Variants in RIT2 observed in about 807,000 individuals in gnomAD.
RIT2 encodes the protein GTP-binding protein Rit2.
A neutral mutation model predicts 23.7 loss-of-function variants in RIT2; 24 were observed. The ratio of observed to expected loss-of-function variants is 1.01; its 90% CI spans 0.73 to 1.43. The LOEUF is 1.43. Ranked by LOEUF, RIT2 falls within the 40% of genes most tolerant of loss-of-function variation. RIT2 has a pLI of 0.00. For missense variants in RIT2, 236 were observed against 266.9 expected (o/e 0.88, Z 0.81); for synonymous variants, 107 against 91.1 (o/e 1.17, Z -0.99).
intron 4 of RIT2, among the ~76,000 whole-genome samples, chr18:42,869,500 C>T (rs1248407511): frequency 6.6e-6 from 1 of 152,210 alleles, no homozygotes; most frequent in African/African-American, 2.4e-5. Flanking sequence ...TGCCTCAATA[C>T]TTCACTAAGT....
At chr18:42,984,703 T>C (rs1468148594) in intron 2 of RIT2, among the ~76,000 whole-genome samples, 1 of 152,064 alleles carries the variant, frequency 6.6e-6, no homozygotes, top group Non-Finnish European at 1.5e-5. Context: ...ATTAAAAATA[T>C]CAGTATCCAC....
At chr18:43,068,105 A>G (rs1912812143) in intron 1 of RIT2, among the ~76,000 whole-genome samples, 1 of 152,214 alleles carries the variant, frequency 6.6e-6, no homozygotes, top group South Asian at 2.1e-4. Flanking sequence ...AGATTCAACA[A>G]CTTAGTACTT....
chr18:42,833,216 C>G (rs1906509412), intron 4 of RIT2, among the ~76,000 whole-genome samples: 1 of 152,134 alleles, frequency 6.6e-6, no homozygotes, highest in African/African-American at 2.4e-5. Context: ...GTCTTTTCAG[C>G]TCCTGCATAT....
At chr18:42,958,638 A>G (rs1386458516) in intron 3 of RIT2, among the ~76,000 whole-genome samples, 1 of 152,158 alleles carries the variant, frequency 6.6e-6, no homozygotes, top group East Asian at 1.9e-4. Context: ...GATCATGAAA[A>G]ATACTAAAAC....
chr18:42,967,536 ATTTTTTTTTTT>A (rs397940927), intron 3 of RIT2, among the ~76,000 whole-genome samples: 131 of 80,760 alleles, frequency 1.6e-3, no homozygotes, highest in African/African-American at 6.2e-3. Context: ...CGCCCGGCTA[ATTTTTTTTTTT>A]TTTTTTTTTT....
chr18:43,080,003 C>T (rs894815983), intron 1 of RIT2, among the ~76,000 whole-genome samples: 1 of 152,086 alleles, frequency 6.6e-6, no homozygotes, highest in Admixed American at 6.6e-5. Flanking sequence ...TTAAGATGTT[C>T]GTTAATTTTT....
intron 4 of RIT2, among the ~76,000 whole-genome samples, chr18:42,815,302 A>C (rs886763038): frequency 1.5e-4 from 23 of 152,192 alleles, no homozygotes; most frequent in African/African-American, 5.3e-4. Context: ...AACAATGGAC[A>C]CACTTACAGA....
At chr18:43,023,063 C>A (rs1911633900) in intron 2 of RIT2, among the ~76,000 whole-genome samples, 1 of 152,010 alleles carries the variant, frequency 6.6e-6, no homozygotes. Flanking sequence ...AGTATGACGT[C>A]ATTAAAACTT....
chr18:42,794,955 T>C (rs1267225314), intron 4 of RIT2, among the ~76,000 whole-genome samples: 2 of 152,250 alleles, frequency 1.3e-5, no homozygotes, highest in African/African-American at 4.8e-5. Flanking sequence ...AAAAAATCTT[T>C]AATATGTCAA....
At chr18:43,001,230 G>T (rs892269675) in intron 2 of RIT2, among the ~76,000 whole-genome samples, 2 of 151,976 alleles carry the variant, frequency 1.3e-5, no homozygotes, top group Non-Finnish European at 2.9e-5. Context: ...AGAAATGGAG[G>T]ATGTTCAGCC....
At chr18:42,955,010 G>A (rs1393460044) in intron 3 of RIT2, among the ~76,000 whole-genome samples, 2 of 152,146 alleles carry the variant, frequency 1.3e-5, no homozygotes, top group Non-Finnish European at 2.9e-5. Flanking sequence ...GCTTTGGGAG[G>A]TCAGGAGGAC....
chr18:42,847,082 C>T lies in RIT2; in HGVS notation c.426+76490G>A, dbSNP rs375324036. 4.6e-5 allele frequency among the ~76,000 whole-genome samples: 7 copies of T among 152,156 alleles called. No homozygotes were observed. In the East Asian group the frequency reaches 5.8e-4, roughly 13 times the overall value. On this transcript the variant is annotated intron_variant, in intron 4 of 4. Coordinates refer to ENST00000326695, the MANE Select transcript of RIT2 (RefSeq NM_002930.4). Reference sequence around the variant, plus strand: ...CAACAAATTACTATCATTTGCCATGCGGTAAAAGGTCTTCAAAAAACATAT... The same window carrying T: ...CAACAAATTACTATCATTTGCCATGTGGTAAAAGGTCTTCAAAAAACATAT...
intron 2 of RIT2, among the ~76,000 whole-genome samples, chr18:43,014,777 A>G (rs2144258561): frequency 6.6e-6 from 1 of 151,814 alleles, no homozygotes; most frequent in East Asian, 1.9e-4. Flanking sequence ...AAAACCATGA[A>G]TAAGTTAATC....
At chr18:43,105,049 G>A (rs551845904) in intron 1 of RIT2, among the ~76,000 whole-genome samples, 1 of 151,856 alleles carries the variant, frequency 6.6e-6, no homozygotes, top group South Asian at 2.1e-4. Context: ...CCCTTTGTGG[G>A]CTATTGTAGC....
chr18:43,063,479 G>A (rs1164199268), intron 1 of RIT2, among the ~76,000 whole-genome samples: 1 of 151,996 alleles, frequency 6.6e-6, no homozygotes, highest in African/African-American at 2.4e-5. Flanking sequence ...TAACCCTTAG[G>A]CATTAACAAT....
intron 1 of RIT2, among the ~76,000 whole-genome samples, chr18:43,078,059 G>C (rs923012287): frequency 2.0e-5 from 3 of 152,144 alleles, no homozygotes; most frequent in Admixed American, 6.5e-5. Context: ...GCTAAAAAAA[G>C]CATCTTCCTG....
At chr18:43,106,617 C>G (rs1335640847) in intron 1 of RIT2, among the ~76,000 whole-genome samples, 1 of 152,184 alleles carries the variant, frequency 6.6e-6, no homozygotes, top group Non-Finnish European at 1.5e-5. Flanking sequence ...TCCAGGGAGG[C>G]CCCAGTCCCC....
chr18:42,896,577 C>G (rs1598704940), intron 4 of RIT2, among the ~76,000 whole-genome samples: 1 of 152,312 alleles, frequency 6.6e-6, no homozygotes, highest in South Asian at 2.1e-4. Flanking sequence ...GTAATACAAT[C>G]TTGGATGCTC....
rs564648938 is a variant in RIT2 at position 42,818,602 on chromosome 18, C to T, written c.427-74882G>A. ...AGTTGCTATAAGCATTAATGGATCA[C>T]GTTCACTTAGCTGAGTATATCAAGA... On this transcript the variant is annotated intron_variant, in intron 4 of 4. Transcript: ENST00000326695. Among the ~76,000 whole-genome samples the T allele has an allele frequency of 3.9e-5, 6 of 152,068 alleles. No homozygotes were observed. In the South Asian group the frequency reaches 1.0e-3, roughly 26 times the overall value.
Sources: gnomAD v4.1 joint callset for allele counts (sites outside exome capture counted in the v4.1 genomes callset) on GRCh38, gnomAD v4.1.1 for gene constraint, MANE v1.5 for transcripts, NCBI Gene and HGNC (gene_info 2026-07-23, HGNC 2026-07-21) for gene names.